HS6ST3: variants seen among roughly 807,000 people sequenced by gnomAD.
HS6ST3 encodes heparan-sulfate 6-O-sulfotransferase 3.
Under a neutral mutation model 36.7 loss-of-function variants are expected in HS6ST3, and 12 were observed. That is an observed-to-expected ratio of 0.33 (90% confidence interval 0.21 to 0.53). The LOEUF (loss-of-function observed/expected upper bound fraction) is 0.53. HS6ST3 is among the 20% of genes least tolerant of loss of function. HS6ST3 has a pLI of 0.95. For missense variants in HS6ST3, 584 were observed against 640.9 expected (o/e 0.91, Z 0.96); for synonymous variants, 240 against 257.5 (o/e 0.93, Z 0.65).
At chr13:96,762,671 A>G (rs755485168) in intron 1 of HS6ST3, among the ~76,000 whole-genome samples, 1 of 152,206 alleles carries the variant, frequency 6.6e-6, no homozygotes, top group Non-Finnish European at 1.5e-5. Flanking sequence ...CACACTGTGA[A>G]TAAAATTAAC....
At chr13:96,212,706 G>A (rs1187818616) in intron 1 of HS6ST3, among the ~76,000 whole-genome samples, 2 of 152,138 alleles carry the variant, frequency 1.3e-5, no homozygotes, top group Non-Finnish European at 2.9e-5. Flanking sequence ...CCTCTTGGTT[G>A]GCTGATACTT....
At chr13:96,290,903 A>G (rs2054826605) in intron 1 of HS6ST3, among the ~76,000 whole-genome samples, 1 of 152,088 alleles carries the variant, frequency 6.6e-6, no homozygotes, top group Admixed American at 6.6e-5. Context: ...TGTTCCTCCC[A>G]CAGGCCAAGC....
At chr13:96,399,976 T>G (rs556804853) in intron 1 of HS6ST3, among the ~76,000 whole-genome samples, 2 of 152,300 alleles carry the variant, frequency 1.3e-5, no homozygotes, top group East Asian at 3.9e-4. Flanking sequence ...AGTTTTTTTT[T>G]CAGGGGAGAT....
At chr13:96,654,281 T>C (rs2056617283) in intron 1 of HS6ST3, among the ~76,000 whole-genome samples, 1 of 152,086 alleles carries the variant, frequency 6.6e-6, no homozygotes, top group Non-Finnish European at 1.5e-5. Flanking sequence ...TAAGTCTTTG[T>C]CCATGCCTAT....
chr13:96,355,447 G>T (rs1257470046), intron 1 of HS6ST3, among the ~76,000 whole-genome samples: 1 of 151,078 alleles, frequency 6.6e-6, no homozygotes, highest in Non-Finnish European at 1.5e-5. Flanking sequence ...GATAATGTGG[G>T]TTTGGTTCCT....
intron 1 of HS6ST3, among the ~76,000 whole-genome samples, chr13:96,404,981 T>C (rs2055470284): frequency 6.6e-6 from 1 of 152,188 alleles, no homozygotes; most frequent in Non-Finnish European, 1.5e-5. Flanking sequence ...GGAGTTTCTC[T>C]GCACAAGTTC....
At chr13:96,421,609 C>T (rs2055562733) in intron 1 of HS6ST3, among the ~76,000 whole-genome samples, 1 of 152,092 alleles carries the variant, frequency 6.6e-6, no homozygotes, top group Admixed American at 6.5e-5. Context: ...TTGCTTCTGC[C>T]TAGAGGCCCT....
chr13:96,272,652 G>GT (rs1018239070), intron 1 of HS6ST3, among the ~76,000 whole-genome samples: 4 of 151,882 alleles, frequency 2.6e-5, no homozygotes, highest in Non-Finnish European at 5.9e-5. Flanking sequence ...TTATATTAGG[G>GT]TTTTTTGCAT....
At chr13:96,240,047 G>A (rs938237194) in intron 1 of HS6ST3, among the ~76,000 whole-genome samples, 1 of 152,134 alleles carries the variant, frequency 6.6e-6, no homozygotes, top group Non-Finnish European at 1.5e-5. Flanking sequence ...GGAGAGTTGT[G>A]TATTTCAAGC....
At chr13:96,466,054 G>A (rs867793460) in intron 1 of HS6ST3, among the ~76,000 whole-genome samples, 5 of 151,976 alleles carry the variant, frequency 3.3e-5, no homozygotes, top group African/African-American at 4.8e-5. Context: ...AGGCTGAGGC[G>A]GGCAGATCAT....
At position 96,752,516 on chromosome 13, in the gene HS6ST3, C is replaced by T. The variant is rs112809596; in HGVS notation, c.708-79974C>T. On this transcript the variant is annotated intron_variant, in intron 1 of 1. Transcript: ENST00000376705. ...ATCTAGTGAATATAAAATAGAATGT[C>T]ATTGTGATCTTGCTTTGCATTTCCC... 4.2e-3 allele frequency among the ~76,000 whole-genome samples: 632 copies of T among 152,212 alleles called. 5 individuals carry two copies. The highest frequency in any genetic ancestry group is 0.014 in the African/African-American group (585 of 41,536).
At position 96,436,955 on chromosome 13, in the gene HS6ST3, A is replaced by G. The variant is rs2055645633; in HGVS notation, c.707+345386A>G. ...TAGGTGGAGGGCATTAAAGGCAGAA[A>G]AAGGGCCTCCATTTTTTTTTTCTAT... is the stretch of plus-strand genomic sequence containing the variant. On this transcript the variant is annotated intron_variant, in intron 1 of 1. Transcript: ENST00000376705. Among the ~76,000 whole-genome samples, 4 of 123,328 alleles carry G rather than the reference A, an allele frequency of 3.2e-5. No homozygotes were observed. In the South Asian group the frequency reaches 1.1e-3, roughly 33 times the overall value. The allele number at this position is 123,328 out of a possible 152,430, so 80.9% of individuals were successfully genotyped here.
intron 1 of HS6ST3, among the ~76,000 whole-genome samples, chr13:96,391,058 G>A (rs1033036750): frequency 7.9e-5 from 12 of 152,026 alleles, no homozygotes; most frequent in African/African-American, 1.9e-4. Context: ...CAGCCACGCC[G>A]TACATCTCTA....
chr13:96,450,331 T>C (rs1365437815), intron 1 of HS6ST3, among the ~76,000 whole-genome samples: 1 of 152,230 alleles, frequency 6.6e-6, no homozygotes, highest in African/African-American at 2.4e-5. Flanking sequence ...ATGATTTGTT[T>C]TGAGACTTAT....
chr13:96,601,320 T>G (rs1242524170), intron 1 of HS6ST3, among the ~76,000 whole-genome samples: 1 of 152,084 alleles, frequency 6.6e-6, no homozygotes, highest in East Asian at 1.9e-4. Context: ...TACTGGAGAC[T>G]TTGTTCTTTT....
chr13:96,386,750 C>T lies in HS6ST3; in HGVS notation c.707+295181C>T, dbSNP rs541150313. On this transcript the variant is annotated intron_variant, in intron 1 of 1. Coordinates refer to ENST00000376705, the MANE Select transcript of HS6ST3 (RefSeq NM_153456.4). ...GTGTGGTGGGGCATGCCTGTAATCC[C>T]AGCTACTCAGGAGGCTGAAGCAGGA... 5.3e-5 allele frequency among the ~76,000 whole-genome samples: 8 copies of T among 152,164 alleles called. No homozygotes were observed. In the East Asian group the frequency reaches 7.7e-4, roughly 15 times the overall value.
intron 1 of HS6ST3, among the ~76,000 whole-genome samples, chr13:96,162,361 A>C (rs945197359): frequency 3.9e-5 from 6 of 152,226 alleles, no homozygotes; most frequent in Non-Finnish European, 8.8e-5. Context: ...CAAGTGTGAA[A>C]ATGGGAGCTG....
At chr13:96,683,892 G>A (rs1449820374) in intron 1 of HS6ST3, among the ~76,000 whole-genome samples, 2 of 151,948 alleles carry the variant, frequency 1.3e-5, no homozygotes, top group Admixed American at 1.3e-4. Context: ...GGATTTGGAG[G>A]GTAGAGTTTG....
chr13:96,420,729 C>G (rs1489975947), intron 1 of HS6ST3, among the ~76,000 whole-genome samples: 1 of 152,146 alleles, frequency 6.6e-6, no homozygotes. Flanking sequence ...AATGCTGTAT[C>G]AATGGATATT....
Sources: allele counts gnomAD v4.1 joint callset (sites outside exome capture counted in the v4.1 genomes callset), GRCh38; gene constraint gnomAD v4.1.1; transcripts MANE v1.5; gene names NCBI Gene and HGNC (gene_info 2026-07-23, HGNC 2026-07-21).